The following ADAM20 variants were observed in gnomAD, a reference collection of about 807,000 sequenced individuals.
ADAM20 encodes the protein ADAM metallopeptidase domain 20.
For synonymous variants in ADAM20, 305 were observed against 310.2 expected (o/e 0.98, Z 0.18); for missense variants, 871 against 883.2 (o/e 0.99, Z 0.18).
chr14:70,533,083 T>TA (rs1455434720), intron 1 of ADAM20, among the ~76,000 whole-genome samples: 3 of 152,272 alleles, frequency 2.0e-5, no homozygotes, highest in South Asian at 4.1e-4. Flanking sequence ...TGGCAATTAT[T>TA]AAAAAGTCAG....
chr14:70,564,621 G>A, the ADAM20 span, among the ~76,000 whole-genome samples: 1 of 150,966 alleles, frequency 6.6e-6, no homozygotes, highest in South Asian at 2.1e-4. Flanking sequence ...AAATAATTCA[G>A]ATTAATCATC....
chr14:70,565,719 G>C, the ADAM20 span, among the ~76,000 whole-genome samples: 1 of 152,102 alleles, frequency 6.6e-6, no homozygotes, highest in Non-Finnish European at 1.5e-5. Flanking sequence ...GTGTAATATA[G>C]TTAGAACAAA....
upstream of ADAM20, among the ~76,000 whole-genome samples, chr14:70,538,134 C>T (rs987842025): frequency 1.3e-5 from 2 of 152,092 alleles, no homozygotes; most frequent in Non-Finnish European, 2.9e-5. Context: ...AACTCTCTGC[C>T]CCGGTGTCCC....
At chr14:70,544,129 C>T in the ADAM20 span, among the ~76,000 whole-genome samples, 9 of 152,130 alleles carry the variant, frequency 5.9e-5, no homozygotes, top group Non-Finnish European at 8.8e-5. Context: ...ATTTCAACCC[C>T]GCCATAAACT....
chr14:70,578,028 C>T, the ADAM20 span, among the ~76,000 whole-genome samples: 2 of 151,982 alleles, frequency 1.3e-5, no homozygotes, highest in Non-Finnish European at 2.9e-5. Context: ...ATAAATTGGA[C>T]GTTAGAAAAA....
the ADAM20 span, among the ~76,000 whole-genome samples, chr14:70,554,300 T>C: frequency 6.6e-6 from 1 of 152,198 alleles, no homozygotes; most frequent in Admixed American, 6.5e-5. Context: ...GGCATGGCCA[T>C]TATGGAAAAA....
chr14:70,543,971 C>G, the ADAM20 span, among the ~76,000 whole-genome samples: 1 of 152,118 alleles, frequency 6.6e-6, no homozygotes, highest in South Asian at 2.1e-4. Flanking sequence ...GTCAGCATGA[C>G]CATAAACCAC....
chr14:70,566,633 G>C, the ADAM20 span, among the ~76,000 whole-genome samples: 5 of 152,218 alleles, frequency 3.3e-5, no homozygotes, highest in African/African-American at 7.2e-5. Context: ...AAAAGACAAA[G>C]AGGAAGAATC....
intron 1 of ADAM20, among the ~76,000 whole-genome samples, chr14:70,527,987 C>G (rs954373042): frequency 2.6e-5 from 4 of 152,196 alleles, no homozygotes; most frequent in Non-Finnish European, 5.9e-5. Flanking sequence ...TTCTGCTTTG[C>G]ATCATTAATA....
At chr14:70,540,631 AT>A in the ADAM20 span, among the ~76,000 whole-genome samples, 1 of 152,224 alleles carries the variant, frequency 6.6e-6, no homozygotes, top group Non-Finnish European at 1.5e-5. Flanking sequence ...CAAATGAAAC[AT>A]TAATATTGGT....
At chr14:70,531,555 A>G (rs147664950) in intron 1 of ADAM20, among the ~76,000 whole-genome samples, 121 of 152,274 alleles carry the variant, frequency 7.9e-4, no homozygotes, top group African/African-American at 2.8e-3. Flanking sequence ...ATCAGAAAGG[A>G]AGAAGTAAAA....
At chr14:70,536,736 T>C (rs965868025), upstream of ADAM20, among the ~76,000 whole-genome samples, 17 of 150,948 alleles carry the variant, frequency 1.1e-4, no homozygotes, top group African/African-American at 3.9e-4. Flanking sequence ...AAGATAAACC[T>C]CTCCCCAACC....
At chr14:70,561,673 G>C in the ADAM20 span, among the ~76,000 whole-genome samples, 12 of 152,256 alleles carry the variant, frequency 7.9e-5, no homozygotes, top group Non-Finnish European at 1.3e-4. Context: ...CGTGGGAATG[G>C]CTGCATCCCA....
the ADAM20 span, among the ~76,000 whole-genome samples, chr14:70,569,885 C>CAAAAAAAAAAAAAAAA: frequency 1.3e-5 from 1 of 76,150 alleles, no homozygotes; most frequent in Admixed American, 1.8e-4. Context: ...AGAAAACTAA[C>CAAAAAAAAAAAAAAAA]AAAAAAAAAA....
chr14:70,575,599 A>G, the ADAM20 span, among the ~76,000 whole-genome samples: 1 of 152,194 alleles, frequency 6.6e-6, no homozygotes, highest in Non-Finnish European at 1.5e-5. Context: ...CAAACTAAAC[A>G]AGACATATAA....
chr14:70,570,399 C>T, the ADAM20 span, among the ~76,000 whole-genome samples: 7 of 151,890 alleles, frequency 4.6e-5, no homozygotes, highest in African/African-American at 1.4e-4. Flanking sequence ...AAGAAAAAAA[C>T]GAACATTCAA....
chr14:70,573,573 T>G, the ADAM20 span, among the ~76,000 whole-genome samples: 1 of 152,092 alleles, frequency 6.6e-6, no homozygotes, highest in Non-Finnish European at 1.5e-5. Context: ...ATTTATAATT[T>G]TTTAAAAAAA....
the ADAM20 span, among the ~76,000 whole-genome samples, chr14:70,545,145 C>A: frequency 2.6e-5 from 4 of 152,174 alleles, no homozygotes; most frequent in Admixed American, 6.5e-5. Context: ...CACTGATCAT[C>A]CCCACTGAAG....
At chr14:70,578,433 G>A in the ADAM20 span, among the ~76,000 whole-genome samples, 4 of 152,080 alleles carry the variant, frequency 2.6e-5, no homozygotes, top group Admixed American at 2.6e-4. Context: ...ATTGGCCTAG[G>A]TGAAGAACTT....
Sources: gnomAD v4.1 joint callset for allele counts (sites outside exome capture counted in the v4.1 genomes callset) on GRCh38, gnomAD v4.1.1 for gene constraint, MANE v1.5 for transcripts, NCBI Gene and HGNC (gene_info 2026-07-23, HGNC 2026-07-21) for gene names.